Variants in CEP120 observed in about 807,000 individuals in gnomAD.
The protein encoded by CEP120 is centrosomal protein of 120 kDa.
CEP120 carries 113 observed loss-of-function variants against 126.5 expected under a neutral mutation model. The ratio of observed to expected loss-of-function variants is 0.89; its 90% confidence interval spans 0.77 to 1.04. CEP120 has a LOEUF of 1.04. Among genes scored for constraint, CEP120 ranks in the 50% least tolerant of loss-of-function variants. The probability of loss-of-function intolerance (pLI) is 0.00; values close to 1 mark genes in which losing one functional copy is unlikely to be tolerated. For synonymous variants in CEP120, 400 were observed against 394.3 expected (o/e 1.01, Z -0.17); for missense variants, 1,230 against 1,155.7 (o/e 1.06, Z -0.93).
intron 1 of CEP120, among the ~76,000 whole-genome samples, chr5:123,421,632 A>G (rs946434864): frequency 2.0e-5 from 3 of 148,996 alleles, no homozygotes; most frequent in African/African-American, 7.5e-5. Flanking sequence ...TTTACAGTAC[A>G]TATCACATAT....
intron 10 of CEP120, among the ~76,000 whole-genome samples, chr5:123,385,339 A>G (rs1271153846): frequency 1.3e-5 from 2 of 152,154 alleles, no homozygotes; most frequent in Non-Finnish European, 2.9e-5. Flanking sequence ...CTCACATACA[A>G]TGATGGTCCC....
chr5:123,377,778 C>G (rs936581933), intron 15 of CEP120, among the ~76,000 whole-genome samples: 4 of 151,996 alleles, frequency 2.6e-5, no homozygotes, highest in East Asian at 1.9e-4. Flanking sequence ...CTTGAAAACC[C>G]TAAGCACTTA....
At position 123,388,176 on chromosome 5, in the gene CEP120, GTAT is replaced by G. The variant is rs1334342775; in HGVS notation, c.1430+253_1430+255del. 7 of 226,538 alleles carry G rather than the reference GTAT, an allele frequency of 3.1e-5. No individual in the cohort carries two copies. In the Admixed American group the frequency reaches 3.9e-4, roughly 13 times the overall value. The allele number at this position is 226,538 out of a possible 1,614,324, so 14.0% of individuals were successfully genotyped here. A position where few individuals can be genotyped will look rare whatever the true frequency, so the allele number is the denominator to read the frequency against. ...TGTATGTTTATCAAAATACATACAT[GTAT>G]TATATTACTTAGAATAAGTTATTAT... is the stretch of plus-strand genomic sequence containing the variant. On this transcript the variant is annotated intron_variant, in intron 9 of 19. Transcript: ENST00000306467.
chr5:123,382,174 C>A lies in CEP120; in HGVS notation c.2040G>T (p.Met680Ile), dbSNP rs902931055. The A allele has an allele frequency of 1.4e-5, 22 of 1,608,806 alleles. No individual in the cohort carries two copies. The highest frequency in any genetic ancestry group is 1.8e-5 in the Non-Finnish European group (21 of 1,177,690). The change falls in exon 14 of 20, where the codon ATG (methionine) becomes ATT (isoleucine). Residue 680 changes from methionine (M) to isoleucine (I), a missense_variant. Met to Ile is a conservative substitution (Grantham distance 10). Coordinates refer to ENST00000306467, the MANE Select transcript of CEP120 (RefSeq NM_001375405.1). ...NQLKQKELAH[M>I]QALAEEWKKR... The stretch of plus-strand genomic sequence containing the variant: ...TCTTCCATTCCTCTGCAAGAGCCTG[C>A]ATATGAGCCAGTTCTTTCTGCTTCA...
chr5:123,389,838 C>G, intron 8 of CEP120, 86 bp downstream of exon 8: 1 of 1,206,694 alleles, frequency 8.3e-7, no homozygotes, highest in Non-Finnish European at 1.2e-6. Flanking sequence ...TTACTTATAA[C>G]TCATGAAAGT....
At chr5:123,398,996 A>T in intron 5 of CEP120, 140 bp downstream of exon 5, 1 of 562,548 alleles carries the variant, frequency 1.8e-6, no homozygotes, top group Non-Finnish European at 3.0e-6. Flanking sequence ...TCCAGTATGA[A>T]AGAAAACATG....
At chr5:123,362,438 A>T (rs1203725370) in intron 18 of CEP120, among the ~76,000 whole-genome samples, 2 of 151,972 alleles carry the variant, frequency 1.3e-5, no homozygotes, top group African/African-American at 4.8e-5. Context: ...CTTAGTACCT[A>T]TGTGATCACA....
At chr5:123,384,394 C>T (rs978146147) in intron 11 of CEP120, among the ~76,000 whole-genome samples, 2 of 151,746 alleles carry the variant, frequency 1.3e-5, no homozygotes, top group African/African-American at 4.8e-5. Flanking sequence ...GATAATTCAA[C>T]AAATATTTTA....
intron 18 of CEP120, among the ~76,000 whole-genome samples, chr5:123,362,473 A>G (rs1046792064): frequency 6.6e-6 from 1 of 151,776 alleles, no homozygotes; most frequent in African/African-American, 2.4e-5. Flanking sequence ...TTTAAGTCTC[A>G]GTTTCTTCAT....
At chr5:123,401,066 G>A in intron 4 of CEP120, 2 of 1,572,758 alleles carry the variant, frequency 1.3e-6, no homozygotes, top group South Asian at 1.1e-5. Context: ...GGCCCCCACA[G>A]GCCGAGCTCA....
intron 16 of CEP120, among the ~76,000 whole-genome samples, chr5:123,377,136 AAAG>A (rs1771286119): frequency 6.6e-6 from 1 of 152,150 alleles, no homozygotes; most frequent in African/African-American, 2.4e-5. Context: ...ATATTTGCTT[AAAG>A]AAGACTTATC....
chr5:123,357,320 T>C (rs1769710875), intron 18 of CEP120, among the ~76,000 whole-genome samples: 1 of 152,116 alleles, frequency 6.6e-6, no homozygotes, highest in African/African-American at 2.4e-5. Context: ...AAGTGATATC[T>C]TTTTTACTTT....
At chr5:123,410,157 G>C (rs540493849) in intron 4 of CEP120, among the ~76,000 whole-genome samples, 3 of 152,104 alleles carry the variant, frequency 2.0e-5, no homozygotes, top group African/African-American at 4.8e-5. Context: ...AAATATGTAA[G>C]ATCTATATGA....
intron 11 of CEP120, among the ~76,000 whole-genome samples, chr5:123,384,544 G>C (rs1019402715): frequency 6.6e-6 from 1 of 152,024 alleles, no homozygotes; most frequent in East Asian, 1.9e-4. Context: ...TTTGGGGTAG[G>C]AGTAAAATAT....
Position 123,378,446 on chromosome 5 carries a change from A to G in CEP120, c.2104-18T>C. 2 of 884,866 alleles carry G rather than the reference A, an allele frequency of 2.3e-6. No individual in the cohort carries two copies. Among genetic ancestry groups the G allele is most frequent in the South Asian group, 4.1e-5 (2 of 48,716 alleles). 54.8% of individuals were successfully genotyped at this position (884,866 alleles called of 1,614,324 possible). A position where few individuals can be genotyped will look rare whatever the true frequency, so the allele number is the denominator to read the frequency against. ...TCAGCCACCTAAAATATAGTAAAAAAAAAAAAAAAAAAGTTACCTACCTTC... is the reference window on the plus strand; with the variant it reads ...TCAGCCACCTAAAATATAGTAAAAAGAAAAAAAAAAAAGTTACCTACCTTC... On this transcript the variant is annotated intron_variant, in intron 14 of 19. Coordinates refer to ENST00000306467, the MANE Select transcript of CEP120 (RefSeq NM_001375405.1).
intron 17 of CEP120, among the ~76,000 whole-genome samples, chr5:123,370,767 A>G (rs1419573136): frequency 2.0e-5 from 3 of 147,764 alleles, no homozygotes; most frequent in Non-Finnish European, 4.5e-5. Flanking sequence ...TTTTATATAT[A>G]TATTATATAT....
chr5:123,354,797 T>TAA (rs1317196972), intron 18 of CEP120, among the ~76,000 whole-genome samples: 4 of 151,956 alleles, frequency 2.6e-5, no homozygotes, highest in Non-Finnish European at 5.9e-5. Flanking sequence ...AATATATTTT[T>TAA]ATTATACTTT....
At chr5:123,374,799 C>T (rs2127027306) in intron 16 of CEP120, among the ~76,000 whole-genome samples, 1 of 152,174 alleles carries the variant, frequency 6.6e-6, no homozygotes, top group South Asian at 2.1e-4. Flanking sequence ...TAAACAAAAG[C>T]TAAGAAAATA....
chr5:123,395,830 C>T (rs938614711), intron 5 of CEP120, among the ~76,000 whole-genome samples: 13 of 151,754 alleles, frequency 8.6e-5, no homozygotes, highest in African/African-American at 3.1e-4. Context: ...TACAGGCACC[C>T]GCCACCACAC....
Sources: gnomAD v4.1 joint callset for allele counts (sites outside exome capture counted in the v4.1 genomes callset) on GRCh38, gnomAD v4.1.1 for gene constraint, MANE v1.5 for transcripts, NCBI Gene and HGNC (gene_info 2026-07-23, HGNC 2026-07-21) for gene names.